The following TTC6 variants were observed in gnomAD, a reference collection of about 807,000 sequenced individuals.
The protein encoded by TTC6 is tetratricopeptide repeat domain 6.
Under a neutral mutation model 210.4 loss-of-function variants are expected in TTC6, and 172 were observed. The observed-to-expected ratio is 0.82, with a 90% CI of 0.72 to 0.93. TTC6 has a LOEUF of 0.93. Ranked by LOEUF, TTC6 falls within the 40% of genes least tolerant of loss-of-function variation. TTC6 has a pLI of 0.00. For missense variants in TTC6, 2,414 were observed against 2,318.1 expected (o/e 1.04, Z -0.85); for synonymous variants, 804 against 819.6 (o/e 0.98, Z 0.32).
At chr14:37,620,831 G>C (rs2095649959), upstream of TTC6, among the ~76,000 whole-genome samples, 1 of 152,062 alleles carries the variant, frequency 6.6e-6, no homozygotes, top group African/African-American at 2.4e-5. Flanking sequence ...CTAATCATTG[G>C]CCAGGTCCTG....
At chr14:37,714,623 A>G in intron 5 of TTC6, 32 bp from the exon 8 acceptor site, 2 of 1,521,506 alleles carry the variant, frequency 1.3e-6, no homozygotes, top group East Asian at 2.5e-5. Context: ...AATTACTTAA[A>G]AAGCAAACTT....
intron 26 of TTC6, among the ~76,000 whole-genome samples, chr14:37,818,637 C>G (rs1032292924): frequency 6.6e-6 from 1 of 151,964 alleles, no homozygotes; most frequent in Non-Finnish European, 1.5e-5. Context: ...GCTACATTCT[C>G]CTATGAAAGT....
chr14:37,724,772 C>T (rs2095868383), intron 6 of TTC6, 126 bp from the exon 9 acceptor site: 2 of 497,158 alleles, frequency 4.0e-6, no homozygotes, highest in Admixed American at 3.7e-5. Context: ...AATTCTTATC[C>T]ATATTTTCAG....
At chr14:37,777,622 G>A (rs1420417247) in intron 14 of TTC6, among the ~76,000 whole-genome samples, 2 of 152,046 alleles carry the variant, frequency 1.3e-5, no homozygotes, top group Non-Finnish European at 2.9e-5. Context: ...TTTCAGCCTG[G>A]TTAAGAGCCA....
At chr14:37,732,026 G>A (rs1410978891) in intron 7 of TTC6, among the ~76,000 whole-genome samples, 1 of 151,984 alleles carries the variant, frequency 6.6e-6, no homozygotes, top group African/African-American at 2.4e-5. Context: ...AGGGTTGGGG[G>A]TGCCAATCCC....
chr14:37,735,065 C>T lies in TTC6; in HGVS notation c.1819-856C>T, dbSNP rs146975959. Among the ~76,000 whole-genome samples, 363 of 152,136 alleles carry T rather than the reference C, an allele frequency of 2.4e-3. 3 individuals carry two copies. The highest frequency in any genetic ancestry group is 8.1e-3 in the African/African-American group (337 of 41,530). ...TGACCAAGTATCTTTCTATTATGCC[C>T]AGTAATTATCTTACCATACATTGTG... On this transcript the variant is annotated intron_variant, in intron 7 of 30. Coordinates refer to ENST00000553443, the Ensembl canonical transcript of TTC6.
intron 2 of TTC6, among the ~76,000 whole-genome samples, chr14:37,680,713 A>G (rs1002041490): frequency 1.2e-4 from 18 of 152,156 alleles, no homozygotes; most frequent in African/African-American, 2.4e-5. Context: ...CATCATTGGT[A>G]AAATAACCAT....
chr14:37,786,208 T>C (rs2096067200), intron 14 of TTC6, among the ~76,000 whole-genome samples: 1 of 152,248 alleles, frequency 6.6e-6, no homozygotes, highest in African/African-American at 2.4e-5. Flanking sequence ...TGTTCAGCTA[T>C]GCCCGGCCCA....
chr14:37,681,430 C>G (rs4141723), intron 2 of TTC6, among the ~76,000 whole-genome samples: 1 of 151,876 alleles, frequency 6.6e-6, no homozygotes, highest in South Asian at 2.1e-4. Flanking sequence ...GCTTAGATAT[C>G]GTCTTGATTA....
intron 7 of TTC6, among the ~76,000 whole-genome samples, chr14:37,735,545 T>A (rs973906598): frequency 3.3e-5 from 5 of 152,200 alleles, no homozygotes; most frequent in African/African-American, 1.2e-4. Context: ...TAAAAATGAA[T>A]ATTCATGTGT....
At chr14:37,783,376 G>C (rs1326609804) in intron 14 of TTC6, among the ~76,000 whole-genome samples, 2 of 152,028 alleles carry the variant, frequency 1.3e-5, no homozygotes, top group African/African-American at 4.8e-5. Flanking sequence ...TATGTGTCCA[G>C]GAATTTATCC....
intron 8 of TTC6, among the ~76,000 whole-genome samples, chr14:37,737,432 T>TAAAA (rs78993032): frequency 8.3e-4 from 125 of 151,400 alleles, no homozygotes; most frequent in East Asian, 5.5e-3. Context: ...TTGAATTTTT[T>TAAAA]AAAAAAACAT....
intron 22 of TTC6, 145 bp from the exon 25 acceptor site, chr14:37,807,175 T>C (rs2096120100): frequency 1.5e-6 from 1 of 662,948 alleles, no homozygotes; most frequent in Non-Finnish European, 2.2e-6. Context: ...GAAATTTTTT[T>C]CTAATAAAAG....
Position 37,623,005 on chromosome 14 carries a change from T to C in TTC6, c.939+2T>C. 4 of 1,457,614 alleles carry C rather than the reference T, an allele frequency of 2.7e-6. No homozygotes were observed. The highest frequency in any genetic ancestry group is 1.3e-5 in the South Asian group (1 of 74,210). The allele number at this position is 1,457,614 out of a possible 1,614,324, so 90.3% of individuals were successfully genotyped here. A position where few individuals can be genotyped will look rare whatever the true frequency, so the allele number is the denominator to read the frequency against. ...CAGAACTACGACATTACAATGGAAG[T>C]AGGTGAACCAAAACAAGAGTAACAT... On this transcript the variant is annotated splice_donor_variant, in intron 1 of 30. Coordinates refer to ENST00000553443, the Ensembl canonical transcript of TTC6. LOFTEE classifies it high-confidence loss of function.
intron 10 of TTC6, among the ~76,000 whole-genome samples, chr14:37,747,470 G>A (rs1379045612): frequency 6.6e-6 from 1 of 152,202 alleles, no homozygotes; most frequent in Non-Finnish European, 1.5e-5. Flanking sequence ...AACAAAAAGA[G>A]GGAGTGATGA....
chr14:37,796,112 C>T (rs1029892643), intron 18 of TTC6, among the ~76,000 whole-genome samples, 182 bp from the exon 21 acceptor site: 1 of 152,044 alleles, frequency 6.6e-6, no homozygotes, highest in Non-Finnish European at 1.5e-5. Context: ...TTTCTCATCA[C>T]ATCACTATGC....
chr14:37,701,465 C>A (rs1194455717), exon 5 of TTC6: 1 of 1,525,522 alleles, frequency 6.6e-7, no homozygotes, highest in Non-Finnish European at 8.7e-7. Flanking sequence ...CGATACCCTG[C>A]TTGGAAAATT....
At chr14:37,743,722 T>G (rs1595184897) in intron 10 of TTC6, among the ~76,000 whole-genome samples, 1 of 152,178 alleles carries the variant, frequency 6.6e-6, no homozygotes, top group Admixed American at 6.5e-5. Flanking sequence ...AGCTTCAAAC[T>G]TAGGTTTAGA....
At chr14:37,814,957 G>A (rs1013478313) in intron 25 of TTC6, among the ~76,000 whole-genome samples, 25 of 152,064 alleles carry the variant, frequency 1.6e-4, no homozygotes, top group South Asian at 2.1e-4. Flanking sequence ...CCCTTCATAG[G>A]GACACTTTGT....
Sources: allele counts gnomAD v4.1 joint callset (sites outside exome capture counted in the v4.1 genomes callset), GRCh38; gene constraint gnomAD v4.1.1; transcripts MANE v1.5; gene names NCBI Gene and HGNC (gene_info 2026-07-23, HGNC 2026-07-21).